WNT9B: variants seen among roughly 807,000 people sequenced by gnomAD.
The protein encoded by WNT9B is Wnt family member 9B.
A neutral mutation model predicts 30.2 loss-of-function variants in WNT9B; 12 were observed. The observed-to-expected ratio is 0.40, with a 90% CI of 0.26 to 0.64. WNT9B has a LOEUF of 0.64. WNT9B is among the 30% of genes least tolerant of loss of function. WNT9B has a pLI of 0.42. For missense variants in WNT9B, 442 were observed against 485.2 expected (o/e 0.91, Z 0.84); for synonymous variants, 218 against 216.9 (o/e 1.01, Z -0.05).
At chr17:46,852,015 C>T (rs1193763839) in intron 1 of WNT9B, among the ~76,000 whole-genome samples, 1 of 152,160 alleles carries the variant, frequency 6.6e-6, no homozygotes, top group Non-Finnish European at 1.5e-5. Context: ...CGGACCCTGG[C>T]CCCGTCCGCC....
chr17:46,856,488 C>CT (rs34179433), intron 1 of WNT9B, among the ~76,000 whole-genome samples: 1,921 of 143,046 alleles, frequency 0.013, 20 homozygotes, highest in South Asian at 0.029. Context: ...CTTTTTCTTT[C>CT]TTTTTTTTTT....
At chr17:46,852,320 A>G (rs2070356340) in intron 1 of WNT9B, among the ~76,000 whole-genome samples, 1 of 151,956 alleles carries the variant, frequency 6.6e-6, no homozygotes, top group African/African-American at 2.4e-5. Context: ...CGCTGGGGAA[A>G]TGCGACCACA....
chr17:46,858,456 G>GT (rs1256130498), intron 1 of WNT9B, among the ~76,000 whole-genome samples: 3 of 151,286 alleles, frequency 2.0e-5, no homozygotes, highest in African/African-American at 7.3e-5. Flanking sequence ...TTCTTCCTAC[G>GT]TTTTCTCCTT....
rs116437356 is a variant in WNT9B, at chr17:46,857,036, G to C, written c.77+5321G>C. Among the ~76,000 whole-genome samples, 1,380 of 152,230 alleles carry C rather than the reference G, an allele frequency of 9.1e-3. 21 individuals carry two copies. The highest frequency in any genetic ancestry group is 0.031 in the African/African-American group (1,294 of 41,532). On this transcript the variant is annotated intron_variant, in intron 1 of 3. Transcript: ENST00000290015. ...GTGAGTATATAGCCTCTTTTGCTTGGATTATTTTGCTCAGCATAAAGCTTT... is the reference window on the plus strand; with the variant it reads ...GTGAGTATATAGCCTCTTTTGCTTGCATTATTTTGCTCAGCATAAAGCTTT...
At chr17:46,835,336 C>T (rs1464312044) in intron 1 of WNT9B, among the ~76,000 whole-genome samples, 7 of 152,050 alleles carry the variant, frequency 4.6e-5, no homozygotes, top group South Asian at 2.1e-4. Flanking sequence ...CTCAGCCTCC[C>T]GAGTAGCTGG....
At chr17:46,851,095 CCTGCCCTGAGT>C (rs371580175), upstream of WNT9B, among the ~76,000 whole-genome samples, 217 of 152,324 alleles carry the variant, frequency 1.4e-3, 1 homozygote, top group African/African-American at 5.1e-3. The surrounding 1 kb of genome is among the most constrained non-coding windows in gnomAD (Gnocchi z 4.3). Flanking sequence ...AGGACCCGGC[CCTGCCCTGAGT>C]CTGCGGGCTG....
rs2085395330 is a variant in WNT9B, at chr17:46,879,476, A to G, written c.*2758A>G. On this transcript the variant is annotated 3_prime_UTR_variant, in exon 4 of 4. Transcript: ENST00000290015. ...GTGTCTTACTCATAATGATAATGAC[A>G]ACGAGAATTCCCACACCTGGCATTT... Among the ~76,000 whole-genome samples the G allele has an allele frequency of 6.6e-6, 1 of 152,250 alleles. No homozygotes were observed. The highest frequency in any genetic ancestry group is 2.4e-5 in the African/African-American group (1 of 41,466).
intron 2 of WNT9B, chr17:46,874,892 A>G: frequency 1.3e-6 from 1 of 755,886 alleles, no homozygotes; most frequent in Non-Finnish European, 2.3e-6. Flanking sequence ...AGTTCCATTT[A>G]AATGGCAACT....
rs768284364 is a variant in WNT9B, at chr17:46,876,307, G to A, written c.663G>A (p.Val221=). ...KCHGVSGSCA[V]RTCWKQLSPF... The stretch of plus-strand genomic sequence containing the variant: ...ATGGCGTATCAGGCTCCTGTGCCGT[G>A]CGCACCTGCTGGAAGCAGCTCTCCC... The change falls in exon 4 of 4, where the codon GTG becomes GTA. Residue 221 remains valine (V), a synonymous_variant. Coordinates refer to ENST00000290015, the MANE Select transcript of WNT9B (RefSeq NM_003396.3). The A allele has an allele frequency of 3.1e-6, 5 of 1,614,082 alleles. No individual in the cohort carries two copies. In the African/African-American group the frequency reaches 6.7e-5, roughly 22 times the overall value.
intron 1 of WNT9B, among the ~76,000 whole-genome samples, chr17:46,864,668 T>A (rs2085101931): frequency 6.6e-6 from 1 of 152,024 alleles, no homozygotes; most frequent in Admixed American, 6.5e-5. Context: ...CTTGCTGTGG[T>A]GATGGCTGAT....
intron 1 of WNT9B, among the ~76,000 whole-genome samples, chr17:46,835,812 GC>G (rs1747222598): frequency 6.6e-6 from 1 of 152,136 alleles, no homozygotes; most frequent in Admixed American, 6.5e-5. Flanking sequence ...CGCCCCCTCA[GC>G]CCCCTTCACT....
At chr17:46,883,300 G>GTT (rs1426578281), downstream of WNT9B, among the ~76,000 whole-genome samples, 80 of 129,912 alleles carry the variant, frequency 6.2e-4, no homozygotes, top group Admixed American at 1.4e-3. Flanking sequence ...TTTTTCCTTT[G>GTT]TGAGATGGAG....
At chr17:46,873,146 A>G (rs2085283709) in intron 2 of WNT9B, among the ~76,000 whole-genome samples, 1 of 151,644 alleles carries the variant, frequency 6.6e-6, no homozygotes, top group Non-Finnish European at 1.5e-5. Flanking sequence ...AACAAGGCAC[A>G]TGAAGACGTG....
Position 46,872,555 on chromosome 17 carries a change from T to C in WNT9B, c.116T>C (p.Leu39Ser). The part of the protein sequence containing the change: ...GREVLTPFPG[L>S]GTAAAPAQGG... ...GAAGTCCTGACGCCCTTCCCAGGAT[T>C]GGGCACTGCGGCAGCCCCGGCACAG... Residue 39 changes from leucine to serine, a missense_variant, in exon 2 of 4, where the codon TTG (leucine) becomes TCG (serine). Physicochemically the swap from Leu to Ser is moderately radical, Grantham distance 145. Transcript: ENST00000290015. 1 of 1,583,128 alleles carries C rather than the reference T, an allele frequency of 6.3e-7. No homozygotes were observed. Among genetic ancestry groups the C allele is most frequent in the Non-Finnish European group, 8.6e-7 (1 of 1,162,590 alleles).
At chr17:46,838,826 G>A (rs1406116984) in intron 1 of WNT9B, among the ~76,000 whole-genome samples, 2 of 151,882 alleles carry the variant, frequency 1.3e-5, no homozygotes, top group Non-Finnish European at 2.9e-5. Context: ...CACAGAGAGG[G>A]GATTACTCAC....
chr17:46,844,691 A>G (rs576384791), intron 1 of WNT9B, among the ~76,000 whole-genome samples: 1 of 152,312 alleles, frequency 6.6e-6, no homozygotes, highest in East Asian at 1.9e-4. Flanking sequence ...AAACAAACTA[A>G]AAGATGTTGA....
downstream of WNT9B, among the ~76,000 whole-genome samples, chr17:46,883,429 C>T (rs186663832): frequency 3.1e-3 from 467 of 150,846 alleles, 8 homozygotes; most frequent in Admixed American, 0.026. Flanking sequence ...GGATTACAGG[C>T]GCCTACCCCA....
chr17:46,872,419 G>A, intron 1 of WNT9B, 98 bp from the exon 2 acceptor site: 1 of 1,390,912 alleles, frequency 7.2e-7, no homozygotes, highest in South Asian at 2.0e-5. Context: ...CTGCCCAGAA[G>A]GGCAGTAAAT....
rs2084845730 is a variant in WNT9B at position 46,851,600 on chromosome 17, G to A, written c.-39G>A. On this transcript the variant is annotated 5_prime_UTR_variant, in exon 1 of 4. Coordinates refer to ENST00000290015, the MANE Select transcript of WNT9B (RefSeq NM_003396.3). This position sits in a 1 kb window ranked among gnomAD's most constrained non-coding sequence, Gnocchi z 4.3. ...GGTGGCGGAGCTGCGAGCTTGAGCGGCGCGAGGAGATGCTAGAGGGCGCAG... is the reference window on the plus strand; with the variant it reads ...GGTGGCGGAGCTGCGAGCTTGAGCGACGCGAGGAGATGCTAGAGGGCGCAG... 4 of 1,185,096 alleles carry A rather than the reference G, an allele frequency of 3.4e-6. No homozygotes were observed. Among genetic ancestry groups the A allele is most frequent in the African/African-American group, 1.6e-5 (1 of 62,474 alleles). 73.4% of individuals were successfully genotyped at this position (1,185,096 alleles called of 1,614,324 possible).
Sources: allele counts gnomAD v4.1 joint callset (sites outside exome capture counted in the v4.1 genomes callset), GRCh38; gene constraint gnomAD v4.1.1; non-coding constraint Gnocchi (gnomAD v3.1); transcripts MANE v1.5; gene names NCBI Gene and HGNC (gene_info 2026-07-23, HGNC 2026-07-21).